MEI4: variants seen among roughly 807,000 people sequenced by gnomAD.
MEI4 encodes the protein meiotic double-stranded break formation protein 4.
A neutral mutation model predicts 31.4 loss-of-function variants in MEI4; 27 were observed. The observed-to-expected ratio is 0.86, with a 90% confidence interval of 0.63 to 1.19. The LOEUF is 1.19. Ranked by LOEUF, MEI4 falls within the 50% of genes most tolerant of loss-of-function variation. MEI4 has a pLI of 0.00. For synonymous variants in MEI4, 122 were observed against 145.4 expected, an observed-to-expected ratio of 0.84 and a Z score of 1.16; for missense variants, 329 against 398.9, an observed-to-expected ratio of 0.82 and a Z score of 1.49.
chr6:77,775,926 G>A (rs559270612), intron 3 of MEI4, among the ~76,000 whole-genome samples: 7 of 152,064 alleles, frequency 4.6e-5, no homozygotes, highest in South Asian at 4.2e-4. Flanking sequence ...TTTGATTTGC[G>A]CTTCCCTGAT....
chr6:77,795,321 T>C (rs4708370), intron 3 of MEI4, among the ~76,000 whole-genome samples: 22,631 of 152,094 alleles, frequency 0.15, 2,048 homozygotes, highest in East Asian at 0.39. Context: ...TTGTGGAGTT[T>C]AGAGATCCAA....
At chr6:77,695,734 CT>C (rs1384131062) in intron 2 of MEI4, among the ~76,000 whole-genome samples, 2 of 152,124 alleles carry the variant, frequency 1.3e-5, no homozygotes, top group Non-Finnish European at 2.9e-5. Flanking sequence ...TTAGGATTGA[CT>C]TGGCAATGCG....
chr6:77,800,771 T>A (rs1769231823), intron 3 of MEI4, among the ~76,000 whole-genome samples: 1 of 152,214 alleles, frequency 6.6e-6, no homozygotes, highest in African/African-American at 2.4e-5. Context: ...TTTCATTGGT[T>A]CTGTTTATAT....
chr6:77,752,931 C>A (rs1203545811), intron 2 of MEI4, among the ~76,000 whole-genome samples: 5 of 152,102 alleles, frequency 3.3e-5, no homozygotes, highest in South Asian at 2.1e-4. Flanking sequence ...AGAACGGAGT[C>A]CTCAGAAATA....
intron 4 of MEI4, among the ~76,000 whole-genome samples, chr6:77,909,023 T>C (rs1267556166): frequency 6.6e-6 from 1 of 151,942 alleles, no homozygotes; most frequent in Non-Finnish European, 1.5e-5. Flanking sequence ...TCTACAGAAC[T>C]CTCCACCCCA....
intron 4 of MEI4, among the ~76,000 whole-genome samples, chr6:77,880,656 T>C (rs929489329): frequency 1.3e-5 from 2 of 152,152 alleles, no homozygotes; most frequent in Admixed American, 6.5e-5. Flanking sequence ...ACCCAAGCGT[T>C]CTTGACCTCT....
chr6:77,730,342 C>CT (rs2127666949), intron 2 of MEI4, among the ~76,000 whole-genome samples: 1 of 152,228 alleles, frequency 6.6e-6, no homozygotes, highest in African/African-American at 2.4e-5. Flanking sequence ...TGACCTTATT[C>CT]TATAGGGCTG....
rs71558933 is a variant in MEI4 at position 77,868,499 on chromosome 6, C to CTATA, written c.900+39439_900+39440insTATA. On this transcript the variant is annotated intron_variant, in intron 4 of 4. Coordinates refer to ENST00000684080, the MANE Select transcript of MEI4 (RefSeq NM_001322247.2). ...GGAAAAAACTTCCATGTAAAAAATA[C>CTATA]TACATATATATATATATATATATAT... Among the ~76,000 whole-genome samples, 235 of 61,706 alleles carry CTATA rather than the reference C, an allele frequency of 3.8e-3. 22 individuals are homozygous for CTATA. Among genetic ancestry groups the CTATA allele is most frequent in the East Asian group, 0.012 (25 of 2,134 alleles). The allele number at this position is 61,706 out of a possible 152,430, so 40.5% of individuals were successfully genotyped here.
intron 2 of MEI4, among the ~76,000 whole-genome samples, chr6:77,755,440 A>G (rs1187547202): frequency 6.6e-6 from 1 of 151,770 alleles, no homozygotes; most frequent in Non-Finnish European, 1.5e-5. Context: ...TTTTTCTAAG[A>G]CAGAGTCTCA....
chr6:77,817,703 T>C (rs963299932), intron 3 of MEI4, among the ~76,000 whole-genome samples: 2 of 152,150 alleles, frequency 1.3e-5, no homozygotes, highest in Non-Finnish European at 2.9e-5. Flanking sequence ...ATAATTTTTT[T>C]ATAAAATATC....
chr6:77,826,900 A>G (rs1350665342), intron 3 of MEI4, among the ~76,000 whole-genome samples: 1 of 152,106 alleles, frequency 6.6e-6, no homozygotes, highest in Non-Finnish European at 1.5e-5. Flanking sequence ...AAGTGATAAG[A>G]ATTTCTACCC....
intron 1 of MEI4, among the ~76,000 whole-genome samples, chr6:77,684,242 GT>G (rs1362707113): frequency 1.3e-5 from 2 of 151,846 alleles, no homozygotes; most frequent in African/African-American, 4.8e-5. Context: ...AAACTCTTAC[GT>G]TTTTTAAAAA....
At chr6:77,905,475 C>CTTTTTTTTTTTTTTTTTTTTT (rs70974691) in intron 4 of MEI4, among the ~76,000 whole-genome samples, 2 of 93,344 alleles carry the variant, frequency 2.1e-5, no homozygotes, top group Non-Finnish European at 2.1e-5. Flanking sequence ...AAATTTTCAG[C>CTTTTTTTTTTTTTTTTTTTTT]TTTTTTTTTT....
At chr6:77,712,289 TAAAC>T (rs1245473522) in intron 2 of MEI4, among the ~76,000 whole-genome samples, 2 of 152,196 alleles carry the variant, frequency 1.3e-5, no homozygotes, top group African/African-American at 2.4e-5. Context: ...ATACTGTTAA[TAAAC>T]AACTTTTCGA....
chr6:77,901,321 C>T (rs554394634), intron 4 of MEI4, among the ~76,000 whole-genome samples: 9 of 152,110 alleles, frequency 5.9e-5, no homozygotes, highest in Admixed American at 1.3e-4. Flanking sequence ...CACCAATCCA[C>T]ATTCCACCCA....
At chr6:77,730,991 T>C (rs1410665965) in intron 2 of MEI4, among the ~76,000 whole-genome samples, 1 of 151,818 alleles carries the variant, frequency 6.6e-6, no homozygotes, top group African/African-American at 2.4e-5. Flanking sequence ...TATTCCATGG[T>C]GTATATGTGC....
At chr6:77,797,434 G>A (rs1326852062) in intron 3 of MEI4, among the ~76,000 whole-genome samples, 1 of 152,108 alleles carries the variant, frequency 6.6e-6, no homozygotes, top group African/African-American at 2.4e-5. Context: ...AATTTATTAA[G>A]GAGAATTGGC....
chr6:77,885,022 A>G (rs954264561), intron 4 of MEI4, among the ~76,000 whole-genome samples: 13 of 152,036 alleles, frequency 8.6e-5, no homozygotes, highest in Admixed American at 6.6e-5. Context: ...ATCCTCTTCA[A>G]TTGCTTTCAT....
intron 4 of MEI4, among the ~76,000 whole-genome samples, chr6:77,922,068 G>A (rs926634996): frequency 1.3e-5 from 2 of 151,604 alleles, no homozygotes; most frequent in African/African-American, 2.4e-5. Flanking sequence ...CAATATCTGG[G>A]AGGTACAATA....
Sources: gnomAD v4.1 joint callset for allele counts (sites outside exome capture counted in the v4.1 genomes callset) on GRCh38, gnomAD v4.1.1 for gene constraint, MANE v1.5 for transcripts, NCBI Gene and HGNC (gene_info 2026-07-23, HGNC 2026-07-21) for gene names.